Variants in SCML2 observed in about 807,000 individuals in gnomAD.
SCML2 encodes the protein sex comb on midleg-like protein 2.
In SCML2, 6 loss-of-function variants were observed where a neutral mutation model predicts 48.4. That is an observed-to-expected ratio of 0.12 (90% CI 0.07 to 0.24). The LOEUF (loss-of-function observed/expected upper bound fraction) is 0.24. SCML2 is among the 10% of genes least tolerant of loss of function. The pLI, the probability that SCML2 is intolerant of heterozygous loss-of-function variation, is 1.00. For missense variants in SCML2, 377 were observed against 528.2 expected (o/e 0.71, Z 2.81); for synonymous variants, 181 against 189.5 (o/e 0.95, Z 0.37).
chrX:18,256,415 A>G (rs1400398256), intron 11 of SCML2, among the ~76,000 whole-genome samples: 13 of 111,488 alleles, frequency 1.2e-4, no homozygotes, highest in Admixed American at 1.1e-3. Flanking sequence ...TTGTGCCACT[A>G]CACTTCAGCC....
intron 7 of SCML2, among the ~76,000 whole-genome samples, chrX:18,295,244 C>T (rs1928355664): frequency 8.9e-6 from 1 of 111,945 alleles, no homozygotes; most frequent in African/African-American, 3.2e-5. Context: ...CCCTGCCCAC[C>T]ACAGCCAGTG....
At chrX:18,329,768 T>C (rs774348343) in intron 3 of SCML2, among the ~76,000 whole-genome samples, 6 of 112,584 alleles carry the variant, frequency 5.3e-5, no homozygotes, top group Non-Finnish European at 1.1e-4. Context: ...GTACTATCAT[T>C]ATCCCTGTGT....
chrX:18,320,136 C>T (rs187432119), intron 6 of SCML2, among the ~76,000 whole-genome samples, 196 bp downstream of exon 6: 47 of 112,424 alleles, frequency 4.2e-4, no homozygotes, highest in African/African-American at 1.5e-3. Flanking sequence ...GCCTACAGAA[C>T]TGAGAAAATA....
intron 3 of SCML2, among the ~76,000 whole-genome samples, chrX:18,325,342 A>G (rs1929447693): frequency 8.9e-6 from 1 of 112,061 alleles, no homozygotes; most frequent in Admixed American, 9.5e-5. Context: ...TATTCAATAA[A>G]TATGTTTTCA....
intron 2 of SCML2, among the ~76,000 whole-genome samples, chrX:18,332,461 C>T (rs1182436021): frequency 8.9e-6 from 1 of 112,191 alleles, no homozygotes; most frequent in Non-Finnish European, 1.9e-5. Flanking sequence ...CTAGTTATGA[C>T]TGAGTGACTC....
intron 6 of SCML2, among the ~76,000 whole-genome samples, chrX:18,316,716 G>A (rs1929132997): frequency 8.9e-6 from 1 of 111,956 alleles, no homozygotes; most frequent in African/African-American, 3.3e-5. Context: ...ACAGCAGGAG[G>A]TGAGCAGCAG....
chrX:18,297,473 C>G (rs1461328613), intron 7 of SCML2, among the ~76,000 whole-genome samples: 1 of 111,200 alleles, frequency 9.0e-6, no homozygotes, highest in African/African-American at 3.3e-5. Flanking sequence ...GTTACTTCCT[C>G]ACACGACTTT....
rs1404756502 is a variant in SCML2 at position 18,260,319 on chromosome X, A to G, written c.949-28T>C. Reference sequence around the variant, plus strand: ...GTTAAAAACAAAGGGAAAAAAACACAAGTATACAATACTCATTAATATATT... The same window carrying G: ...GTTAAAAACAAAGGGAAAAAAACACGAGTATACAATACTCATTAATATATT... On this transcript the variant is annotated intron_variant, in intron 8 of 14. Coordinates refer to ENST00000251900, the MANE Select transcript of SCML2 (RefSeq NM_006089.3). The G allele has an allele frequency of 3.6e-6, 4 of 1,116,822 alleles. No individual in the cohort carries two copies. The Admixed American group carries it at 1.0e-4, about 28-fold the overall frequency. The allele number at this position is 1,116,822 out of a possible 1,213,427, so 92.0% of individuals were successfully genotyped here. A position where few individuals can be genotyped will look rare whatever the true frequency, so the allele number is the denominator to read the frequency against.
chrX:18,264,387 T>C (rs1927180713), intron 8 of SCML2, among the ~76,000 whole-genome samples: 1 of 110,093 alleles, frequency 9.1e-6, no homozygotes, highest in Non-Finnish European at 1.9e-5. Context: ...GGCTCCTTTT[T>C]ATCCTTTGTT....
intron 6 of SCML2, among the ~76,000 whole-genome samples, chrX:18,319,138 C>T (rs899280535): frequency 4.5e-5 from 5 of 111,978 alleles, no homozygotes; most frequent in Non-Finnish European, 7.5e-5. Context: ...TGCCTGCAAT[C>T]CCAGCACTCT....
chrX:18,338,338 G>A (rs1027568025), intron 1 of SCML2, among the ~76,000 whole-genome samples: 2 of 108,704 alleles, frequency 1.8e-5, no homozygotes, highest in African/African-American at 6.7e-5. Context: ...CAGGTACTCG[G>A]GAGGCTGATG....
rs377144975 is a variant in SCML2 at position 18,241,721 on chromosome X, A to G, written c.1975-342T>C. On this transcript the variant is annotated intron_variant, in intron 14 of 14. Coordinates refer to ENST00000251900, the MANE Select transcript of SCML2 (RefSeq NM_006089.3). Reference sequence around the variant, plus strand: ...GGTAGAAATGAATTTCAGATGATCAATAACTTTCTGAGAAGGGCCAGGAAT... The same window carrying G: ...GGTAGAAATGAATTTCAGATGATCAGTAACTTTCTGAGAAGGGCCAGGAAT... Among the ~76,000 whole-genome samples, 3 of 112,202 alleles carry G rather than the reference A, an allele frequency of 2.7e-5. No individual in the cohort carries two copies. The East Asian group carries it at 8.4e-4, about 31-fold the overall frequency.
intron 1 of SCML2, among the ~76,000 whole-genome samples, chrX:18,344,773 G>T (rs1000605268): frequency 1.2e-4 from 13 of 111,476 alleles, no homozygotes; most frequent in Non-Finnish European, 1.7e-4. Context: ...CCAGTTTCAG[G>T]TATGTCTTTA....
chrX:18,345,922 A>AT lies in SCML2; in HGVS notation c.-25+8669dup, dbSNP rs761796032. ...CATGTGCCAACAAGCTCAGCAACTA[A>AT]TTTTTTTTTTTTTTTTAATTTTAGT... On this transcript the variant is annotated intron_variant, in intron 1 of 14. Coordinates refer to ENST00000251900, the MANE Select transcript of SCML2 (RefSeq NM_006089.3). 1.3e-3 allele frequency among the ~76,000 whole-genome samples: 130 copies of AT among 98,340 alleles called. 1 individual carries two copies. The highest frequency in any genetic ancestry group is 2.2e-3 in the African/African-American group (59 of 27,122). 85.4% of individuals were successfully genotyped at this position (98,340 alleles called of 115,157 possible). A position where few individuals can be genotyped will look rare whatever the true frequency, so the allele number is the denominator to read the frequency against.
intron 8 of SCML2, among the ~76,000 whole-genome samples, chrX:18,262,039 T>C (rs1258630432): frequency 2.7e-5 from 3 of 109,198 alleles, no homozygotes. Context: ...AAAATCACAA[T>C]GTTATTTTTT....
chrX:18,317,779 A>G (rs1454797500), intron 6 of SCML2, among the ~76,000 whole-genome samples: 1 of 101,252 alleles, frequency 9.9e-6, no homozygotes, highest in Admixed American at 1.1e-4. Context: ...GCTTGCAGTG[A>G]GCCGAGATCG....
At chrX:18,334,478 A>C (rs1204684845) in intron 1 of SCML2, among the ~76,000 whole-genome samples, 1 of 111,946 alleles carries the variant, frequency 8.9e-6, no homozygotes, top group Non-Finnish European at 1.9e-5. Context: ...TAGGTTAGCA[A>C]AGTTAGGATT....
At chrX:18,311,915 C>T (rs756554053) in intron 6 of SCML2, among the ~76,000 whole-genome samples, 1 of 111,448 alleles carries the variant, frequency 9.0e-6, no homozygotes, top group African/African-American at 3.3e-5. Context: ...TTCAGCCACC[C>T]GAGTAGCTGG....
intron 6 of SCML2, among the ~76,000 whole-genome samples, chrX:18,306,532 T>C (rs752375590): frequency 1.8e-5 from 2 of 112,104 alleles, no homozygotes; most frequent in South Asian, 3.8e-4. Context: ...TTCATTCCTC[T>C]ATGAGACTAA....
Sources: allele counts gnomAD v4.1 joint callset (sites outside exome capture counted in the v4.1 genomes callset), GRCh38; gene constraint gnomAD v4.1.1; transcripts MANE v1.5; gene names NCBI Gene and HGNC (gene_info 2026-07-23, HGNC 2026-07-21).